DRD3: variants seen among roughly 807,000 people sequenced by gnomAD.
The protein encoded by DRD3 is dopamine receptor D3.
A neutral mutation model predicts 36.3 loss-of-function variants in DRD3; 19 were observed. That is an observed-to-expected ratio of 0.52 (90% CI 0.36 to 0.77). The LOEUF is 0.77. Among genes scored for constraint, DRD3 ranks in the 30% least tolerant of loss-of-function variants. DRD3 has a pLI of 0.00. For missense variants in DRD3, 465 were observed against 505.3 expected (o/e 0.92, Z 0.77); for synonymous variants, 195 against 203.7 (o/e 0.96, Z 0.36).
rs148239631 is a variant in DRD3, at chr3:114,135,758, C to T, written c.723+3742G>A. ...AGGCTGGAGTGTAGTGGTGAAATCT[C>T]TGCTCACTGCAACCTTTGCTTCCTG... On this transcript the variant is annotated intron_variant, in intron 5 of 6. Coordinates refer to ENST00000383673, the MANE Select transcript of DRD3 (RefSeq NM_000796.6). Among the ~76,000 whole-genome samples the T allele has an allele frequency of 9.5e-4, 145 of 152,148 alleles. 1 individual carries two copies. The highest frequency in any genetic ancestry group is 3.5e-3 in the Admixed American group (53 of 15,276).
chr3:114,158,052 A>G (rs2077698590), intron 3 of DRD3, among the ~76,000 whole-genome samples: 1 of 152,150 alleles, frequency 6.6e-6, no homozygotes, highest in African/African-American at 2.4e-5. Flanking sequence ...CAGTGAGCCA[A>G]GATCGTGCCA....
intron 1 of DRD3, among the ~76,000 whole-genome samples, chr3:114,187,518 CA>C (rs1159059157): frequency 6.6e-6 from 1 of 152,210 alleles, no homozygotes; most frequent in Non-Finnish European, 1.5e-5. Context: ...GTTGCTTCCA[CA>C]ACTCCTTTGC....
In DRD3 at chr3:114,159,842, C is replaced by T. The variant is rs754200808; in HGVS notation, c.296G>A (p.Ser99Asn). The T allele has an allele frequency of 8.1e-6, 13 of 1,614,120 alleles. No homozygotes were observed. Among genetic ancestry groups the T allele is most frequent in the Non-Finnish European group, 1.1e-5 (13 of 1,179,966 alleles). ...GACAAAAACATCACAGCAAATGCGG[C>T]TGAAATTCCAGACTCCACCTGTCAC... ...LEVTGGVWNF[S>N]RICCDVFVTL... Residue 99 changes from serine to asparagine, a missense_variant, in exon 3 of 7, where the codon AGC (serine) becomes AAC (asparagine). Physicochemically the swap from Ser to Asn is conservative, Grantham distance 46. Transcript: ENST00000383673.
upstream of DRD3, among the ~76,000 whole-genome samples, chr3:114,180,181 A>G (rs1218985633): frequency 1.3e-5 from 2 of 152,046 alleles, no homozygotes; most frequent in Admixed American, 1.3e-4. Context: ...CAGTAATAAT[A>G]ATATTAATAA....
chr3:114,151,434 G>T (rs1443987540), intron 3 of DRD3, among the ~76,000 whole-genome samples: 1 of 152,110 alleles, frequency 6.6e-6, no homozygotes, highest in Non-Finnish European at 1.5e-5. Flanking sequence ...TTTACAAAAA[G>T]CCCTAATTTG....
rs1355525409 is a variant in DRD3, at chr3:114,156,767, C to CTT, written c.383+2986_383+2987dup. On this transcript the variant is annotated intron_variant, in intron 3 of 6. Coordinates refer to ENST00000383673, the MANE Select transcript of DRD3 (RefSeq NM_000796.6). ...TTTTTCTTTCTTTCTTTCTTTCTTT[C>CTT]TTTCTTTCTTTCTTTCTTTCTTTCT... 4.5e-3 allele frequency among the ~76,000 whole-genome samples: 449 copies of CTT among 98,796 alleles called. 3 individuals carry two copies. The highest frequency in any genetic ancestry group is 8.1e-3 in the African/African-American group (221 of 27,408). 64.8% of individuals were successfully genotyped at this position (98,796 alleles called of 152,430 possible). A position where few individuals can be genotyped will look rare whatever the true frequency, so the allele number is the denominator to read the frequency against.
At position 114,171,764 on chromosome 3, in the gene DRD3, GCA is replaced by G; in HGVS notation, c.227_228del (p.Leu76SerfsTer28). On this transcript the variant is annotated frameshift_variant, in exon 2 of 7. Transcript: ENST00000383673. LOFTEE classifies it high-confidence loss of function. ...YLVVSLAVAD[L>X]LVATLVMPWV... is the part of the protein sequence containing the mutation. Reference sequence around the variant, plus strand: ...CAGGGCATCACCAAGGTGGCCACCAGCAAGTCTGCCACAGCCAGGCTCACTAC... The same window carrying G: ...CAGGGCATCACCAAGGTGGCCACCAGAGTCTGCCACAGCCAGGCTCACTAC... The G allele has an allele frequency of 6.2e-7, 1 of 1,612,522 alleles. No individual in the cohort carries two copies. Among genetic ancestry groups the G allele is most frequent in the Non-Finnish European group, 8.5e-7 (1 of 1,179,194 alleles).
At chr3:114,159,326 C>G (rs895562908) in intron 3 of DRD3, among the ~76,000 whole-genome samples, 2 of 151,908 alleles carry the variant, frequency 1.3e-5, no homozygotes, top group Non-Finnish European at 2.9e-5. Context: ...GCCCCTCTTT[C>G]TTTCTCTTTC....
intron 5 of DRD3, among the ~76,000 whole-genome samples, chr3:114,136,761 C>A (rs1490381228): frequency 2.6e-5 from 4 of 152,222 alleles, no homozygotes; most frequent in Non-Finnish European, 5.9e-5. Context: ...GTTCTCATAT[C>A]TAACACCTCC....
intron 1 of DRD3, among the ~76,000 whole-genome samples, chr3:114,173,034 G>A (rs1423417175): frequency 6.6e-6 from 1 of 151,970 alleles, no homozygotes; most frequent in Non-Finnish European, 1.5e-5. Context: ...ATTAGGAGGT[G>A]GGGGTCTTTG....
At chr3:114,139,790 C>T in intron 4 of DRD3, 94 bp from the exon 5 acceptor site, 1 of 1,199,398 alleles carries the variant, frequency 8.3e-7, no homozygotes, top group South Asian at 1.4e-5. Context: ...GTGGTGCCTG[C>T]ACTTTCTGCT....
intron 1 of DRD3, among the ~76,000 whole-genome samples, chr3:114,197,490 A>G (rs1226907905): frequency 5.9e-5 from 9 of 152,054 alleles, no homozygotes; most frequent in Non-Finnish European, 2.9e-5. Context: ...TTTCCATTTA[A>G]TGGATTGTGT....
intron 3 of DRD3, among the ~76,000 whole-genome samples, chr3:114,158,627 C>G (rs1234309835): frequency 6.6e-6 from 1 of 152,138 alleles, no homozygotes; most frequent in Non-Finnish European, 1.5e-5. Flanking sequence ...TCAGTGGTCC[C>G]TGTTTGAAGG....
At chr3:114,197,728 A>G (rs920527448) in intron 1 of DRD3, among the ~76,000 whole-genome samples, 5 of 152,222 alleles carry the variant, frequency 3.3e-5, no homozygotes, top group African/African-American at 9.6e-5. Context: ...TGCCTTTGCA[A>G]CTTCATCGAA....
At chr3:114,134,298 A>G (rs916294894) in intron 5 of DRD3, among the ~76,000 whole-genome samples, 1 of 152,160 alleles carries the variant, frequency 6.6e-6, no homozygotes, top group Non-Finnish European at 1.5e-5. Flanking sequence ...AGGTCTTGCT[A>G]TGTTGGCCAG....
chr3:114,150,989 C>T (rs1343242217), intron 3 of DRD3, among the ~76,000 whole-genome samples: 1 of 152,204 alleles, frequency 6.6e-6, no homozygotes, highest in Non-Finnish European at 1.5e-5. Context: ...TGGCTTCTTT[C>T]TCAAAAGGGA....
rs1265175134 is a variant in DRD3, at chr3:114,178,736, ACCCAAGCAAAGCAAACTTTG to A, written c.-135_-116del. On this transcript the variant is annotated 5_prime_UTR_variant, in exon 1 of 7. Transcript: ENST00000383673. ...GCAGCCATTTACTGACAGCAGACAT[ACCCAAGCAAAGCAAACTTTG>A]CCTTTCTCAGGACTCAGAAACTATG... is the stretch of plus-strand genomic sequence containing the variant. 1.3e-5 allele frequency: 2 copies of A among 152,194 alleles called. No homozygotes were observed. The highest frequency in any genetic ancestry group is 3.9e-4 in the East Asian group (2 of 5,192). 9.4% of individuals were successfully genotyped at this position (152,194 alleles called of 1,614,324 possible).
At chr3:114,163,997 G>A (rs909645656) in intron 2 of DRD3, among the ~76,000 whole-genome samples, 4 of 151,876 alleles carry the variant, frequency 2.6e-5, no homozygotes, top group African/African-American at 9.7e-5. Flanking sequence ...GAGGCAGGTG[G>A]ATAACTTGAG....
chr3:114,132,911 G>A (rs1240050402), intron 5 of DRD3, among the ~76,000 whole-genome samples: 1 of 151,966 alleles, frequency 6.6e-6, no homozygotes, highest in Non-Finnish European at 1.5e-5. Context: ...AACATCAATT[G>A]GACATTTAAT....
Sources: gnomAD v4.1 joint callset for allele counts (sites outside exome capture counted in the v4.1 genomes callset) on GRCh38, gnomAD v4.1.1 for gene constraint, MANE v1.5 for transcripts, NCBI Gene and HGNC (gene_info 2026-07-23, HGNC 2026-07-21) for gene names.